The following EPB41L5 variants were observed in gnomAD, a reference collection of about 807,000 sequenced individuals.
The protein encoded by EPB41L5 is erythrocyte membrane protein band 4.1 like 5, also known as band 4.1-like protein 5.
In EPB41L5, 55 loss-of-function variants were observed where a neutral mutation model predicts 106.6. The ratio of observed to expected loss-of-function variants is 0.52; its 90% CI spans 0.42 to 0.65. EPB41L5 has a LOEUF of 0.65. Ranked by LOEUF, EPB41L5 falls within the 30% of genes least tolerant of loss-of-function variation. EPB41L5 has a pLI of 0.00. For synonymous variants in EPB41L5, 297 were observed against 306.7 expected (o/e 0.97, Z 0.33); for missense variants, 871 against 882.1 (o/e 0.99, Z 0.16).
intron 16 of EPB41L5, among the ~76,000 whole-genome samples, chr2:120,109,910 A>G (rs1422520708): frequency 6.6e-6 from 1 of 152,238 alleles, no homozygotes; most frequent in Non-Finnish European, 1.5e-5. Context: ...CATACTGTAC[A>G]AGAGTGCCAC....
At chr2:120,172,351 C>G (rs1381604309) in intron 24 of EPB41L5, among the ~76,000 whole-genome samples, 1 of 152,158 alleles carries the variant, frequency 6.6e-6, no homozygotes, top group East Asian at 1.9e-4. Flanking sequence ...CATCATGAAT[C>G]TTTAGGAGGT....
intron 20 of EPB41L5, among the ~76,000 whole-genome samples, chr2:120,156,512 C>G (rs1365422845): frequency 6.6e-6 from 1 of 152,180 alleles, no homozygotes; most frequent in Non-Finnish European, 1.5e-5. Context: ...TGCCCTGCCA[C>G]TGCTGCAGCA....
intron 3 of EPB41L5, among the ~76,000 whole-genome samples, chr2:120,064,592 G>T (rs960128734): frequency 1.3e-5 from 2 of 152,140 alleles, no homozygotes; most frequent in African/African-American, 4.8e-5. Context: ...GTTCTTCCAT[G>T]CCTAGTTCGA....
intron 13 of EPB41L5, among the ~76,000 whole-genome samples, chr2:120,092,342 T>C (rs767938596): frequency 2.0e-5 from 3 of 152,174 alleles, no homozygotes; most frequent in South Asian, 2.1e-4. Context: ...TTGTGATGAA[T>C]TTTTTTTAAG....
At chr2:120,054,462 C>G (rs1227340027) in intron 3 of EPB41L5, among the ~76,000 whole-genome samples, 2 of 151,400 alleles carry the variant, frequency 1.3e-5, no homozygotes, top group East Asian at 1.9e-4. Flanking sequence ...ATTGCCTATT[C>G]TGAGGTCATA....
At chr2:120,137,427 G>A (rs1407862973) in intron 18 of EPB41L5, among the ~76,000 whole-genome samples, 2 of 151,846 alleles carry the variant, frequency 1.3e-5, no homozygotes, top group African/African-American at 2.4e-5. Flanking sequence ...ATAAAAAGTT[G>A]CTTTGTGAAA....
chr2:120,085,585 G>C (rs185269915), intron 10 of EPB41L5, among the ~76,000 whole-genome samples: 177 of 152,330 alleles, frequency 1.2e-3, no homozygotes, highest in Non-Finnish European at 2.0e-3. Context: ...CAGTCTGTCC[G>C]TTCTCAGATC....
chr2:120,097,598 A>T (rs180847103), intron 14 of EPB41L5, among the ~76,000 whole-genome samples: 1 of 152,370 alleles, frequency 6.6e-6, no homozygotes, highest in East Asian at 1.9e-4. Context: ...TGACATTTCA[A>T]TTACTAGTAC....
intron 24 of EPB41L5, among the ~76,000 whole-genome samples, chr2:120,172,702 A>G (rs902462276): frequency 1.3e-5 from 2 of 152,094 alleles, no homozygotes; most frequent in African/African-American, 4.8e-5. Flanking sequence ...AAGTCATGGG[A>G]CCCAGGAGGC....
intron 16 of EPB41L5, among the ~76,000 whole-genome samples, chr2:120,117,846 C>G (rs562016499): frequency 6.6e-6 from 1 of 152,146 alleles, no homozygotes; most frequent in Non-Finnish European, 1.5e-5. Flanking sequence ...TTCCTCTCCC[C>G]CTGCCCCCTC....
At chr2:120,145,648 T>A (rs974497290) in intron 19 of EPB41L5, among the ~76,000 whole-genome samples, 4 of 152,116 alleles carry the variant, frequency 2.6e-5, no homozygotes, top group African/African-American at 4.8e-5. Flanking sequence ...TTAAAAAAAA[T>A]TGGTGCATTA....
At chr2:120,030,382 C>T (rs540902954) in intron 2 of EPB41L5, among the ~76,000 whole-genome samples, 36 of 152,138 alleles carry the variant, frequency 2.4e-4, no homozygotes, top group Non-Finnish European at 4.6e-4. Context: ...TTTGCAGACC[C>T]TGCACTGGAT....
At chr2:120,126,392 T>C (rs1685461501) in intron 16 of EPB41L5, among the ~76,000 whole-genome samples, 2 of 152,176 alleles carry the variant, frequency 1.3e-5, no homozygotes, top group South Asian at 4.1e-4. Flanking sequence ...GTCACAAAGA[T>C]TTTTTTCTTC....
intron 18 of EPB41L5, 83 bp from the exon 19 acceptor site, chr2:120,142,920 A>G: frequency 8.1e-7 from 1 of 1,241,640 alleles, no homozygotes; most frequent in Non-Finnish European, 1.1e-6. Flanking sequence ...TTGTCTGCAG[A>G]TGAACTTTCA....
intron 2 of EPB41L5, among the ~76,000 whole-genome samples, chr2:120,041,153 A>G (rs1202978770): frequency 6.6e-6 from 1 of 152,184 alleles, no homozygotes; most frequent in East Asian, 1.9e-4. Context: ...CATATTATAA[A>G]AATAACTATT....
At chr2:120,051,834 G>T (rs1239833615) in intron 3 of EPB41L5, among the ~76,000 whole-genome samples, 4 of 150,294 alleles carry the variant, frequency 2.7e-5, no homozygotes, top group Non-Finnish European at 4.4e-5. Context: ...GCATTGTTTT[G>T]TTTTTTTTTT....
chr2:120,106,001 A>T, intron 16 of EPB41L5: 1 of 985,348 alleles, frequency 1.0e-6, no homozygotes, highest in Non-Finnish European at 1.2e-6. Flanking sequence ...ATTATTCTTA[A>T]TCTGCAGGAC....
chr2:120,170,012 C>T (rs1687602535), intron 24 of EPB41L5, among the ~76,000 whole-genome samples: 1 of 152,152 alleles, frequency 6.6e-6, no homozygotes, highest in Non-Finnish European at 1.5e-5. Context: ...TTCAGTGATT[C>T]TATTTTTATA....
At chr2:120,015,314 G>T (rs1558794058) in intron 1 of EPB41L5, among the ~76,000 whole-genome samples, 1 of 147,432 alleles carries the variant, frequency 6.8e-6, no homozygotes, top group Non-Finnish European at 1.5e-5. Context: ...GCAACAGAGC[G>T]AGACTCAAAA....
Sources: gnomAD v4.1 joint callset for allele counts (sites outside exome capture counted in the v4.1 genomes callset) on GRCh38, gnomAD v4.1.1 for gene constraint, MANE v1.5 for transcripts, NCBI Gene and HGNC (gene_info 2026-07-23, HGNC 2026-07-21) for gene names.